Variants in SLC36A1 observed in about 807,000 individuals in gnomAD.
SLC36A1 encodes the protein proton-coupled amino acid transporter 1.
A neutral mutation model predicts 47.5 loss-of-function variants in SLC36A1; 30 were observed. That is an observed-to-expected ratio of 0.63 (90% CI 0.47 to 0.86). SLC36A1 has a LOEUF of 0.86. SLC36A1 is among the 40% of genes least tolerant of loss of function. The pLI is 0.00. For synonymous variants in SLC36A1, 255 were observed against 249.7 expected (o/e 1.02, Z -0.20); for missense variants, 517 against 606.0 (o/e 0.85, Z 1.54).
the SLC36A1 span, among the ~76,000 whole-genome samples, chr5:151,377,387 C>T: frequency 0.022 from 2,939 of 133,550 alleles, 104 homozygotes; most frequent in African/African-American, 0.079. Context: ...TTCGCTCTGT[C>T]GCCCAGGCTG....
At chr5:151,399,746 C>T in the SLC36A1 span, among the ~76,000 whole-genome samples, 39 of 152,250 alleles carry the variant, frequency 2.6e-4, no homozygotes, top group Admixed American at 4.6e-4. Context: ...TAAAATGAGA[C>T]CCACTGAAAA....
the SLC36A1 span, chr5:151,507,123 C>G: frequency 6.6e-7 from 1 of 1,521,290 alleles, no homozygotes; most frequent in Non-Finnish European, 8.8e-7. Flanking sequence ...TCCATCAATC[C>G]CAGAGGCTAA....
At chr5:151,532,661 G>A in the SLC36A1 span, among the ~76,000 whole-genome samples, 4 of 152,258 alleles carry the variant, frequency 2.6e-5, no homozygotes, top group African/African-American at 9.6e-5. Flanking sequence ...GAAGTTCTTA[G>A]TAAATCAAAA....
the SLC36A1 span, among the ~76,000 whole-genome samples, chr5:151,526,513 T>C: frequency 6.6e-6 from 1 of 152,250 alleles, no homozygotes; most frequent in African/African-American, 2.4e-5. Flanking sequence ...TATAACACAA[T>C]GGTTGCTAAC....
chr5:151,407,851 C>T, the SLC36A1 span, among the ~76,000 whole-genome samples: 3 of 152,176 alleles, frequency 2.0e-5, no homozygotes, highest in Non-Finnish European at 4.4e-5. Flanking sequence ...TCTGATGCTT[C>T]ATTTTACACC....
the SLC36A1 span, among the ~76,000 whole-genome samples, chr5:151,421,562 TTTTCTTTTTCTTTC>T: frequency 6.8e-6 from 1 of 148,058 alleles, no homozygotes; most frequent in Non-Finnish European, 1.5e-5. Context: ...AGTTTTTTCT[TTTTCTTTTTCTTTC>T]TTTCTTTTTT....
At chr5:151,382,744 C>T in the SLC36A1 span, among the ~76,000 whole-genome samples, 3 of 152,142 alleles carry the variant, frequency 2.0e-5, no homozygotes, top group African/African-American at 7.2e-5. Context: ...TCTTTATGGC[C>T]GTGAGTGACA....
chr5:151,388,501 C>CAAAAAAAAAAA, the SLC36A1 span, among the ~76,000 whole-genome samples: 39 of 90,720 alleles, frequency 4.3e-4, 1 homozygote, highest in Non-Finnish European at 5.1e-4. Flanking sequence ...AACTCCATCT[C>CAAAAAAAAAAA]AAAAGAAAAA....
At chr5:151,537,267 A>G in the SLC36A1 span, among the ~76,000 whole-genome samples, 280 of 149,064 alleles carry the variant, frequency 1.9e-3, no homozygotes, top group African/African-American at 6.1e-3. Context: ...TAAGAAGACG[A>G]TGGTGGTGGT....
intron 1 of SLC36A1, among the ~76,000 whole-genome samples, chr5:151,455,593 A>G (rs1002698953): frequency 7.9e-5 from 12 of 152,236 alleles, no homozygotes; most frequent in African/African-American, 2.9e-4. Flanking sequence ...GGATTGGGCA[A>G]TTAATAAGTC....
At chr5:151,381,265 CT>C in the SLC36A1 span, 1 of 257,744 alleles carries the variant, frequency 3.9e-6, no homozygotes. Flanking sequence ...TGCTGCCAGC[CT>C]TCTCCTCAGC....
the SLC36A1 span, among the ~76,000 whole-genome samples, chr5:151,377,701 A>C: frequency 6.6e-6 from 1 of 152,154 alleles, no homozygotes; most frequent in African/African-American, 2.4e-5. Context: ...TGGGTGCTCC[A>C]GTGTTGGATG....
At chr5:151,388,501 C>CAAA in the SLC36A1 span, among the ~76,000 whole-genome samples, 2,796 of 90,318 alleles carry the variant, frequency 0.031, 378 homozygotes, top group African/African-American at 0.089. Flanking sequence ...AACTCCATCT[C>CAAA]AAAAGAAAAA....
the SLC36A1 span, chr5:151,553,434 G>A: frequency 1.6e-3 from 2,556 of 1,567,214 alleles, 30 homozygotes; most frequent in African/African-American, 0.03. Context: ...CCAAGAGACA[G>A]GAAGACCCAA....
the SLC36A1 span, among the ~76,000 whole-genome samples, chr5:151,514,436 T>G: frequency 6.6e-6 from 1 of 152,050 alleles, no homozygotes; most frequent in Non-Finnish European, 1.5e-5. Context: ...TATCTCTTTC[T>G]TACTTCGTAG....
the SLC36A1 span, among the ~76,000 whole-genome samples, chr5:151,376,725 C>T: frequency 6.6e-6 from 1 of 152,076 alleles, no homozygotes. Context: ...CTCTGCCTCC[C>T]AGGTTCATGT....
At chr5:151,531,900 CGTG>C in the SLC36A1 span, 1 of 1,614,072 alleles carries the variant, frequency 6.2e-7, no homozygotes, top group Non-Finnish European at 8.5e-7. The surrounding 1 kb of genome is among the most constrained non-coding windows in gnomAD (Gnocchi z 5.7). Context: ...GGATCACCCC[CGTG>C]GTGGCGTCGA....
chr5:151,529,241 GAA>G, the SLC36A1 span: 1 of 1,614,142 alleles, frequency 6.2e-7, no homozygotes, highest in Non-Finnish European at 8.5e-7. Context: ...GATCTTGGGG[GAA>G]TTGGGGCCGG....
the SLC36A1 span, among the ~76,000 whole-genome samples, chr5:151,526,945 G>T: frequency 1.3e-5 from 2 of 152,170 alleles, no homozygotes; most frequent in Admixed American, 1.3e-4. Flanking sequence ...CACATTCCAG[G>T]TATGGCATGT....
Sources: allele counts gnomAD v4.1 joint callset (sites outside exome capture counted in the v4.1 genomes callset), GRCh38; gene constraint gnomAD v4.1.1; non-coding constraint Gnocchi (gnomAD v3.1); transcripts MANE v1.5; gene names NCBI Gene and HGNC (gene_info 2026-07-23, HGNC 2026-07-21).